Variants in MAP3K15 observed in about 807,000 individuals in gnomAD.
The protein encoded by MAP3K15 is MAPK/ERK kinase kinase 15.
A neutral mutation model predicts 99.5 loss-of-function variants in MAP3K15; 124 were observed. The observed-to-expected ratio is 1.25, with a 90% confidence interval of 1.08 to 1.45. MAP3K15 has a LOEUF of 1.45. Ranked by LOEUF, MAP3K15 falls within the 40% of genes most tolerant of loss-of-function variation. The probability of loss-of-function intolerance (pLI) is 0.00; values close to 1 mark genes in which losing one functional copy is unlikely to be tolerated. For synonymous variants in MAP3K15, 494 were observed against 439.6 expected (o/e 1.12, Z -1.55); for missense variants, 1,242 against 1,079.7 (o/e 1.15, Z -2.11).
At chrX:19,490,140 TACACACACACACACACACACACACACAC>T (rs59202439) in intron 1 of MAP3K15, among the ~76,000 whole-genome samples, 2 of 92,469 alleles carry the variant, frequency 2.2e-5, no homozygotes, top group Non-Finnish European at 2.1e-5. Context: ...ATAGGCATTA[TACACACACACACACACACACACACACAC>T]ACACACACAC....
At chrX:19,505,949 T>C (rs1300108802) in intron 1 of MAP3K15, among the ~76,000 whole-genome samples, 2 of 109,749 alleles carry the variant, frequency 1.8e-5, no homozygotes, top group East Asian at 5.7e-4. Context: ...TTTTTAATTT[T>C]GAGACGGAGT....
At chrX:19,449,612 CAG>C (rs941771687) in intron 6 of MAP3K15, among the ~76,000 whole-genome samples, 1 of 108,900 alleles carries the variant, frequency 9.2e-6, no homozygotes. Flanking sequence ...GCCCCCATGA[CAG>C]AGAGTTATCC....
chrX:19,418,544 G>C (rs1049448687), intron 9 of MAP3K15, among the ~76,000 whole-genome samples: 4 of 111,108 alleles, frequency 3.6e-5, no homozygotes, highest in African/African-American at 1.3e-4. Context: ...TATGTGAAAA[G>C]ACCAAATCTA....
intron 6 of MAP3K15, among the ~76,000 whole-genome samples, chrX:19,437,820 G>A (rs1424539469): frequency 1.8e-5 from 2 of 111,591 alleles, no homozygotes; most frequent in Non-Finnish European, 3.8e-5. Context: ...GACTAACTGA[G>A]CAGTTATTGT....
rs183398669 is a variant in MAP3K15 at position 19,435,925 on chromosome X, G to A, written c.996-4317C>T. On this transcript the variant is annotated intron_variant, in intron 6 of 28. Coordinates refer to ENST00000338883, the MANE Select transcript of MAP3K15 (RefSeq NM_001001671.4). ...TCCCAGCACTTTGGGAGGCCAAGGCGGGCAGATTACCTGAGGTCAGGAGTT... is the reference window on the plus strand; with the variant it reads ...TCCCAGCACTTTGGGAGGCCAAGGCAGGCAGATTACCTGAGGTCAGGAGTT... Among the ~76,000 whole-genome samples the A allele has an allele frequency of 4.2e-3, 475 of 111,916 alleles. 5 individuals are homozygous for A. The highest frequency in any genetic ancestry group is 0.019 in the South Asian group (51 of 2,722).
At position 19,474,549 on chromosome X, in the gene MAP3K15, G is replaced by C. The variant is rs376929760; in HGVS notation, c.526-10143C>G. 2.0e-3 allele frequency among the ~76,000 whole-genome samples: 191 copies of C among 96,562 alleles called. 8 individuals carry two copies. Among genetic ancestry groups the C allele is most frequent in the African/African-American group, 6.9e-3 (183 of 26,643 alleles). 83.9% of individuals were successfully genotyped at this position (96,562 alleles called of 115,157 possible). On this transcript the variant is annotated intron_variant, in intron 3 of 28. Transcript: ENST00000338883. Reference sequence around the variant, plus strand: ...TCCAGTCATTCTTGGAGGTTGGGGGGGGGGGTCTGTGAACTTGAAAGAGAA... The same window carrying C: ...TCCAGTCATTCTTGGAGGTTGGGGGCGGGGGTCTGTGAACTTGAAAGAGAA...
rs146946029 is a variant in MAP3K15, at chrX:19,476,757, C to T, written c.525+9725G>A. Among the ~76,000 whole-genome samples the T allele has an allele frequency of 8.5e-3, 949 of 112,165 alleles. 8 individuals are homozygous for T. Among genetic ancestry groups the T allele is most frequent in the African/African-American group, 0.028 (877 of 30,908 alleles). On this transcript the variant is annotated intron_variant, in intron 3 of 28. Coordinates refer to ENST00000338883, the MANE Select transcript of MAP3K15 (RefSeq NM_001001671.4). ...TAAACGAAGATATCCCTGCTGGAAA[C>T]GTGCCATGGAGTGCTAATTAACCTG...
chrX:19,497,613 C>T (rs970237260), intron 1 of MAP3K15: 1 of 111,633 alleles, frequency 9.0e-6, no homozygotes, highest in Non-Finnish European at 1.9e-5. Context: ...CAATGAAGCA[C>T]TTTTACAATA....
chrX:19,474,241 C>T (rs1383557849), intron 3 of MAP3K15, among the ~76,000 whole-genome samples: 2 of 111,347 alleles, frequency 1.8e-5, no homozygotes, highest in Admixed American at 1.9e-4. Context: ...ACAAGAAATA[C>T]TTTATCAATA....
chrX:19,395,363 G>T (rs955943322), intron 15 of MAP3K15, among the ~76,000 whole-genome samples, 155 bp from the exon 16 acceptor site: 4 of 111,578 alleles, frequency 3.6e-5, no homozygotes, highest in African/African-American at 6.5e-5. Flanking sequence ...CTTCCCATCT[G>T]TACAATAGAG....
chrX:19,394,316 A>G (rs1160803390), intron 16 of MAP3K15, among the ~76,000 whole-genome samples: 2 of 111,413 alleles, frequency 1.8e-5, no homozygotes, highest in Non-Finnish European at 3.8e-5. Flanking sequence ...TACTCCAATA[A>G]TTATTACTCC....
At chrX:19,419,253 A>G (rs1251298641) in intron 9 of MAP3K15, among the ~76,000 whole-genome samples, 1 of 111,694 alleles carries the variant, frequency 9.0e-6, no homozygotes, top group East Asian at 2.8e-4. Flanking sequence ...CAAATTGGAT[A>G]AAGAGTCAAG....
At chrX:19,456,187 A>G (rs2064091455) in intron 6 of MAP3K15, among the ~76,000 whole-genome samples, 3 of 111,812 alleles carry the variant, frequency 2.7e-5, no homozygotes, top group Non-Finnish European at 5.6e-5. Flanking sequence ...CATGTACAGC[A>G]ATGTCCATAG....
At chrX:19,479,053 T>C (rs934002140) in intron 3 of MAP3K15, among the ~76,000 whole-genome samples, 14 of 111,624 alleles carry the variant, frequency 1.3e-4, no homozygotes, top group Admixed American at 3.8e-4. Context: ...CTCTAAGCCT[T>C]GGAAATGTAT....
intron 19 of MAP3K15, among the ~76,000 whole-genome samples, chrX:19,377,380 T>C (rs1450831558): frequency 9.0e-6 from 1 of 111,271 alleles, no homozygotes; most frequent in African/African-American, 3.3e-5. Flanking sequence ...ACCCCATCTC[T>C]ACTAAAAATA....
At chrX:19,414,167 G>A (rs2063714097) in intron 10 of MAP3K15, 1 of 107,475 alleles carries the variant, frequency 9.3e-6, no homozygotes, top group Non-Finnish European at 1.9e-5. Context: ...AAAAAAAAGA[G>A]GAGGGGAAGA....
At chrX:19,374,771 T>C (rs2147220380) in intron 19 of MAP3K15, 111 bp from the exon 20 acceptor site, 2 of 667,704 alleles carry the variant, frequency 3.0e-6, no homozygotes, top group East Asian at 6.8e-5. Flanking sequence ...ACAGGCATAA[T>C]CCATGCCCCC....
intron 25 of MAP3K15, among the ~76,000 whole-genome samples, chrX:19,368,511 T>C (rs1378177366): frequency 8.8e-6 from 1 of 113,121 alleles, no homozygotes; most frequent in Non-Finnish European, 1.9e-5. Context: ...TGGAGGAATA[T>C]GATGGTGATG....
At chrX:19,401,192 C>G (rs189261002) in intron 13 of MAP3K15, among the ~76,000 whole-genome samples, 6 of 109,868 alleles carry the variant, frequency 5.5e-5, no homozygotes, top group Non-Finnish European at 1.1e-4. Context: ...CCCTGTGTTA[C>G]TCTTTTTCTT....
Sources: gnomAD v4.1 joint callset for allele counts (sites outside exome capture counted in the v4.1 genomes callset) on GRCh38, gnomAD v4.1.1 for gene constraint, MANE v1.5 for transcripts, NCBI Gene and HGNC (gene_info 2026-07-23, HGNC 2026-07-21) for gene names.